MORN4: variants seen among roughly 807,000 people sequenced by gnomAD.
MORN4 encodes MORN repeat-containing protein 4.
A neutral mutation model predicts 16.4 loss-of-function variants in MORN4; 8 were observed. The ratio of observed to expected loss-of-function variants is 0.49; its 90% CI spans 0.29 to 0.88. The LOEUF is 0.88. Ranked by LOEUF, MORN4 falls within the 40% of genes least tolerant of loss-of-function variation. The probability of loss-of-function intolerance (pLI) is 0.09; values close to 1 mark genes in which losing one functional copy is unlikely to be tolerated. For missense variants in MORN4, 159 were observed against 182.9 expected, an observed-to-expected ratio of 0.87 and a Z score of 0.75; for synonymous variants, 53 against 68.9, an observed-to-expected ratio of 0.77 and a Z score of 1.14.
chr10:97,619,362 C>CA (rs1161987483), intron 2 of MORN4: 33 of 579,178 alleles, frequency 5.7e-5, no homozygotes, highest in Non-Finnish European at 5.5e-5. Flanking sequence ...AAAACAGAAG[C>CA]AAAAAAAAGA....
intron 1 of MORN4, among the ~76,000 whole-genome samples, chr10:97,632,712 T>G (rs559272417): frequency 9.1e-4 from 139 of 152,066 alleles, no homozygotes; most frequent in Non-Finnish European, 1.6e-3. Context: ...GATTTTTTTT[T>G]TTTTTTATTT....
intron 1 of MORN4, among the ~76,000 whole-genome samples, chr10:97,627,367 C>G (rs1174101808): frequency 6.6e-6 from 1 of 152,116 alleles, no homozygotes; most frequent in Non-Finnish European, 1.5e-5. Context: ...TGGTCTTGAA[C>G]TCCTGGCCTC....
rs1388158273 is a variant in MORN4 at position 97,629,309 on chromosome 10, C to T, written c.-31+4038G>A. On this transcript the variant is annotated intron_variant, in intron 1 of 4. Transcript: ENST00000307450. ...GGCTGAGGCAGGAGAATTGCTTAAC[C>T]CAGGAGGCGGAGGTTGAAGTGAGCC... 1.2e-4 allele frequency among the ~76,000 whole-genome samples: 19 copies of T among 152,172 alleles called. 1 individual carries two copies. Among genetic ancestry groups the T allele is most frequent in the Admixed American group, 1.2e-3 (19 of 15,278 alleles).
intron 1 of MORN4, among the ~76,000 whole-genome samples, chr10:97,620,488 C>CAAAAAAAAAAAAAAAAAA (rs1210683127): frequency 2.4e-5 from 1 of 41,200 alleles, no homozygotes; most frequent in Non-Finnish European, 4.5e-5. Context: ...GACTCTGTCT[C>CAAAAAAAAAAAAAAAAAA]AAAAAAAAAA....
rs1424468529 is a variant in MORN4 at position 97,615,158 on chromosome 10, T to G, written c.*1105A>C. On this transcript the variant is annotated 3_prime_UTR_variant, in exon 5 of 5. Coordinates refer to ENST00000307450, the MANE Select transcript of MORN4 (RefSeq NM_178832.4). The stretch of plus-strand genomic sequence containing the variant: ...TGATGAAAGAAGACAGCCTGTCTTC[T>G]AAAGGGAGGAGGAAATAGCACTCTT... The G allele has an allele frequency of 2.0e-5, 3 of 152,658 alleles. No individual in the cohort carries two copies. The highest frequency in any genetic ancestry group is 7.2e-5 in the African/African-American group (3 of 41,542). 9.5% of individuals were successfully genotyped at this position (152,658 alleles called of 1,614,324 possible). A position where few individuals can be genotyped will look rare whatever the true frequency, so the allele number is the denominator to read the frequency against.
chr10:97,616,751 G>T lies in MORN4; in HGVS notation c.219C>A (p.Gly73=). Residue 73 remains glycine (G), a synonymous_variant, in exon 4 of 5, where the codon GGC becomes GGA. Transcript: ENST00000307450. ...EGEFAQGKFN[G]VGVFIRYDNM... ...TGTCATATCGAATGAAGACTCCGAC[G>T]CCATTAAACTTGCCCTGGGCAAACT... 6.2e-7 allele frequency: 1 copy of T among 1,614,018 alleles called. No individual in the cohort carries two copies. Among genetic ancestry groups the T allele is most frequent in the Non-Finnish European group, 8.5e-7 (1 of 1,179,942 alleles).
intron 1 of MORN4, among the ~76,000 whole-genome samples, chr10:97,626,243 G>A (rs577015075): frequency 3.4e-4 from 51 of 151,768 alleles, no homozygotes; most frequent in African/African-American, 1.2e-3. Flanking sequence ...CAGGCGTGGT[G>A]GCACATGCCT....
At chr10:97,620,141 A>C (rs1337090296) in intron 1 of MORN4, among the ~76,000 whole-genome samples, 1 of 151,974 alleles carries the variant, frequency 6.6e-6, no homozygotes, top group African/African-American at 2.4e-5. Flanking sequence ...CCAGAATTTA[A>C]AACAAGCAGA....
chr10:97,616,714 C>T lies in MORN4; in HGVS notation c.256G>A (p.Glu86Lys), dbSNP rs760722800. ...VFIRYDNMTF[E>K]GEFKNGRVDG... The stretch of plus-strand genomic sequence containing the variant: ...ACTCTGCCATTTTTAAATTCCCCCT[C>T]AAAGGTCATGTTGTCATATCGAATG... Residue 86 changes from glutamate to lysine, a missense_variant, in exon 4 of 5, where the codon GAG (glutamate) becomes AAG (lysine). By Grantham distance (56) the Glu-to-Lys change is moderately conservative. Coordinates refer to ENST00000307450, the MANE Select transcript of MORN4 (RefSeq NM_178832.4). The T allele has an allele frequency of 6.2e-7, 1 of 1,614,136 alleles. No homozygotes were observed. Among genetic ancestry groups the T allele is most frequent in the Non-Finnish European group, 8.5e-7 (1 of 1,180,010 alleles).
chr10:97,628,508 A>C (rs753215637), intron 1 of MORN4, among the ~76,000 whole-genome samples: 3 of 151,970 alleles, frequency 2.0e-5, no homozygotes, highest in Non-Finnish European at 4.4e-5. Flanking sequence ...ACTAGTTTTC[A>C]AGTGGTACAC....
chr10:97,622,981 T>C (rs1315600306), intron 1 of MORN4, among the ~76,000 whole-genome samples: 2 of 151,840 alleles, frequency 1.3e-5, no homozygotes, highest in Non-Finnish European at 2.9e-5. Flanking sequence ...AACTCCTGGA[T>C]TCAAGGCATC....
rs890420833 is a variant in MORN4, at chr10:97,615,448, C to G, written c.*815G>C. 2.0e-5 allele frequency: 3 copies of G among 152,150 alleles called. No individual in the cohort carries two copies. The East Asian group carries it at 5.8e-4, about 29-fold the overall frequency. 9.4% of individuals were successfully genotyped at this position (152,150 alleles called of 1,614,324 possible). On this transcript the variant is annotated 3_prime_UTR_variant, in exon 5 of 5. Coordinates refer to ENST00000307450, the MANE Select transcript of MORN4 (RefSeq NM_178832.4). The stretch of plus-strand genomic sequence containing the variant: ...TATAATAATAAAATTAAAGGCTGAG[C>G]GTGGTGGCTCACGCCTGTAATCCCA...
intron 1 of MORN4, among the ~76,000 whole-genome samples, chr10:97,624,020 G>A (rs1164082117): frequency 1.3e-5 from 2 of 151,968 alleles, no homozygotes; most frequent in Non-Finnish European, 2.9e-5. Flanking sequence ...ACAGGCATGA[G>A]CCACCGTGCC....
At chr10:97,621,383 G>A (rs577312654) in intron 1 of MORN4, among the ~76,000 whole-genome samples, 3 of 152,308 alleles carry the variant, frequency 2.0e-5, no homozygotes, top group South Asian at 4.1e-4. Flanking sequence ...CTGCGGGTTT[G>A]TGAACCAGGA....
At chr10:97,629,554 T>C (rs2135743169) in intron 1 of MORN4, among the ~76,000 whole-genome samples, 1 of 152,260 alleles carries the variant, frequency 6.6e-6, no homozygotes, top group South Asian at 2.1e-4. Flanking sequence ...TATATTGGTG[T>C]TCCAGTTGGC....
In MORN4 at chr10:97,633,240, G is replaced by A; in HGVS notation, c.-31+107C>T. On this transcript the variant is annotated intron_variant, in intron 1 of 4. Coordinates refer to ENST00000307450, the MANE Select transcript of MORN4 (RefSeq NM_178832.4). This position sits in a 1 kb window ranked among gnomAD's most constrained non-coding sequence, Gnocchi z 4.5. ...ACCGCCCTCAGGTCAGCGTATCCGA[G>A]GTGGAGCCGCGCCCCCGAGCCGGGT... 1.7e-6 allele frequency: 2 copies of A among 1,202,464 alleles called. No homozygotes were observed. The highest frequency in any genetic ancestry group is 2.8e-5 in the South Asian group (2 of 71,190). The allele number at this position is 1,202,464 out of a possible 1,614,324, so 74.5% of individuals were successfully genotyped here.
intron 1 of MORN4, among the ~76,000 whole-genome samples, chr10:97,632,712 T>A (rs559272417): frequency 5.9e-5 from 9 of 151,948 alleles, no homozygotes; most frequent in African/African-American, 9.7e-5. Context: ...GATTTTTTTT[T>A]TTTTTTATTT....
intron 1 of MORN4, among the ~76,000 whole-genome samples, chr10:97,623,990 C>T (rs2041327493): frequency 1.3e-5 from 2 of 152,046 alleles, no homozygotes; most frequent in Admixed American, 6.6e-5. Flanking sequence ...CCCGCCTTGG[C>T]CTCCCAAAGT....
chr10:97,616,640 C>T (rs2041238849), intron 4 of MORN4, 38 bp downstream of exon 4: 1 of 1,515,954 alleles, frequency 6.6e-7, no homozygotes, highest in East Asian at 2.3e-5. Context: ...CCATATTATG[C>T]CCACCTAAGT....
Sources: gnomAD v4.1 joint callset for allele counts (sites outside exome capture counted in the v4.1 genomes callset) on GRCh38, gnomAD v4.1.1 for gene constraint, Gnocchi (gnomAD v3.1) non-coding constraint, MANE v1.5 for transcripts, NCBI Gene and HGNC (gene_info 2026-07-23, HGNC 2026-07-21) for gene names.